Variants in DMRT1 observed in about 807,000 individuals in gnomAD.
The protein encoded by DMRT1 is doublesex- and mab-3-related transcription factor 1.
DMRT1 carries 7 observed loss-of-function variants against 32.3 expected under a neutral mutation model. That is an observed-to-expected ratio of 0.22 (90% CI 0.12 to 0.41). The LOEUF is 0.41. DMRT1 is among the 10% of genes least tolerant of loss of function. The probability of loss-of-function intolerance (pLI) is 1.00; values close to 1 mark genes in which losing one functional copy is unlikely to be tolerated. For missense variants in DMRT1, 625 were observed against 500.5 expected, an observed-to-expected ratio of 1.25 and a Z score of -2.37; for synonymous variants, 278 against 206.1, an observed-to-expected ratio of 1.35 and a Z score of -2.99.
chr9:873,390 C>A (rs1022311727), intron 2 of DMRT1, among the ~76,000 whole-genome samples: 7 of 151,840 alleles, frequency 4.6e-5, no homozygotes, highest in African/African-American at 7.3e-5. Context: ...ACCATAACCT[C>A]CACCTCCCGG....
intron 2 of DMRT1, among the ~76,000 whole-genome samples, chr9:867,123 C>T (rs1816025818): frequency 2.0e-5 from 3 of 151,942 alleles, no homozygotes; most frequent in Admixed American, 6.6e-5. Context: ...AGATTATTTA[C>T]AGCAGTGGAG....
At chr9:889,755 G>A (rs1817067767) in intron 2 of DMRT1, among the ~76,000 whole-genome samples, 2 of 151,034 alleles carry the variant, frequency 1.3e-5, no homozygotes, top group African/African-American at 2.5e-5. Context: ...CTATTTATTC[G>A]TCTGCTACTG....
chr9:893,289 G>T (rs2132650826), intron 2 of DMRT1, among the ~76,000 whole-genome samples: 1 of 152,362 alleles, frequency 6.6e-6, no homozygotes, highest in African/African-American at 2.4e-5. Flanking sequence ...CTTTGGGTTA[G>T]ATCAGCCCAC....
intron 4 of DMRT1, among the ~76,000 whole-genome samples, chr9:953,999 G>C (rs1819514785): frequency 6.6e-6 from 1 of 152,132 alleles, no homozygotes; most frequent in Admixed American, 6.5e-5. Context: ...TTAGAGAAGG[G>C]GGATTAGAGG....
chr9:849,146 T>C (rs1839034289), intron 2 of DMRT1, among the ~76,000 whole-genome samples: 1 of 151,866 alleles, frequency 6.6e-6, no homozygotes, highest in Non-Finnish European at 1.5e-5. Context: ...GCTTAGTAAA[T>C]GGTAAGGAGA....
Position 841,802 on chromosome 9 carries a change from A to T in DMRT1, c.-37A>T. ...CCTCGCAGCAGTCTCCAGGCGAGAG[A>T]GGGGGCCAGAGTGCTCGCACTTCTC... On this transcript the variant is annotated 5_prime_UTR_variant, in exon 1 of 5. Coordinates refer to ENST00000382276, the MANE Select transcript of DMRT1 (RefSeq NM_021951.3). 6.3e-7 allele frequency: 1 copy of T among 1,582,830 alleles called. No individual in the cohort carries two copies. The highest frequency in any genetic ancestry group is 1.1e-5 in the South Asian group (1 of 87,200).
intron 3 of DMRT1, among the ~76,000 whole-genome samples, chr9:900,278 G>A (rs1299514407): frequency 3.3e-5 from 5 of 152,184 alleles, no homozygotes; most frequent in Non-Finnish European, 7.3e-5. Flanking sequence ...TGCTGAGGGT[G>A]GAAGGGTTGG....
Position 939,316 on chromosome 9 carries a change from T to C in DMRT1, c.967+22409T>C, listed in dbSNP as rs138387323. ...ATTCCTGTTGCACTTAACTCCCAAA[T>C]TGCACCATATGCTGGGAACAATCTT... On this transcript the variant is annotated intron_variant, in intron 4 of 4. Coordinates refer to ENST00000382276, the MANE Select transcript of DMRT1 (RefSeq NM_021951.3). 7.3e-3 allele frequency among the ~76,000 whole-genome samples: 1,113 copies of C among 152,310 alleles called. 9 individuals are homozygous for C. The highest frequency in any genetic ancestry group is 0.023 in the South Asian group (109 of 4,824).
intron 4 of DMRT1, among the ~76,000 whole-genome samples, chr9:951,891 A>C (rs1469194627): frequency 6.6e-6 from 1 of 152,162 alleles, no homozygotes; most frequent in African/African-American, 2.4e-5. Flanking sequence ...AGTTTGAAGC[A>C]CTTACTGATT....
intron 2 of DMRT1, among the ~76,000 whole-genome samples, chr9:851,535 G>T (rs949836116): frequency 6.6e-6 from 1 of 152,122 alleles, no homozygotes; most frequent in Non-Finnish European, 1.5e-5. Flanking sequence ...ACTGCATCTG[G>T]CCTTAGTAGA....
chr9:842,229 AGTT>A, intron 1 of DMRT1, 37 bp downstream of exon 1: 5 of 856,400 alleles, frequency 5.8e-6, no homozygotes, highest in Non-Finnish European at 4.9e-6. Context: ...GTTCAGCCTT[AGTT>A]TTTTTTTTTT....
rs543931959 is a variant in DMRT1, at chr9:864,324, C to G, written c.538+17181C>G. On this transcript the variant is annotated intron_variant, in intron 2 of 4. Coordinates refer to ENST00000382276, the MANE Select transcript of DMRT1 (RefSeq NM_021951.3). ...GGTTCAAGCGATTCTCCACTTCAGC[C>G]TGCCGAGTAGCTGGGATTAAAGGTG... Among the ~76,000 whole-genome samples the G allele has an allele frequency of 7.3e-5, 11 of 151,046 alleles. No homozygotes were observed. The South Asian group carries it at 2.3e-3, about 32-fold the overall frequency.
intron 3 of DMRT1, among the ~76,000 whole-genome samples, chr9:898,422 A>C (rs1817455281): frequency 6.6e-6 from 1 of 152,132 alleles, no homozygotes; most frequent in African/African-American, 2.4e-5. Context: ...CCTGGCCCAG[A>C]GAGGTAGCAG....
chr9:870,286 C>A (rs1359773814), intron 2 of DMRT1, among the ~76,000 whole-genome samples: 1 of 152,134 alleles, frequency 6.6e-6, no homozygotes, highest in Non-Finnish European at 1.5e-5. Context: ...GTAATCCCAG[C>A]TACTCGGGAG....
chr9:862,223 A>T (rs1254604817), intron 2 of DMRT1, among the ~76,000 whole-genome samples: 3 of 151,908 alleles, frequency 2.0e-5, no homozygotes, highest in Non-Finnish European at 4.4e-5. Flanking sequence ...CTGAGCACTG[A>T]GTGAGCGAGA....
intron 2 of DMRT1, among the ~76,000 whole-genome samples, chr9:869,981 C>G (rs1816164001): frequency 6.6e-6 from 1 of 152,070 alleles, no homozygotes; most frequent in Non-Finnish European, 1.5e-5. Context: ...AAAAATACGG[C>G]CCTGGAGATA....
At chr9:871,620 C>T (rs1193874856) in intron 2 of DMRT1, among the ~76,000 whole-genome samples, 1 of 90,308 alleles carries the variant, frequency 1.1e-5, no homozygotes, top group South Asian at 4.1e-4. Context: ...GGATTACAGA[C>T]GCGAGCCACC....
intron 2 of DMRT1, among the ~76,000 whole-genome samples, chr9:861,321 C>T (rs755585668): frequency 4.6e-5 from 7 of 152,026 alleles, no homozygotes; most frequent in Non-Finnish European, 8.8e-5. Context: ...CAGTTTGCAC[C>T]GCCCTTAATC....
chr9:906,155 T>A (rs1817770526), intron 3 of DMRT1, among the ~76,000 whole-genome samples: 1 of 152,168 alleles, frequency 6.6e-6, no homozygotes. Context: ...ACTCCCTTCA[T>A]GGTCTTAGAG....
Sources: allele counts gnomAD v4.1 joint callset (sites outside exome capture counted in the v4.1 genomes callset), GRCh38; gene constraint gnomAD v4.1.1; transcripts MANE v1.5; gene names NCBI Gene and HGNC (gene_info 2026-07-23, HGNC 2026-07-21).